Variants in TPO observed in about 807,000 individuals in gnomAD.
TPO encodes the protein thyroid peroxidase.
A neutral mutation model predicts 96.9 loss-of-function variants in TPO; 78 were observed. The ratio of observed to expected loss-of-function variants is 0.81; its 90% CI spans 0.67 to 0.97. TPO has a LOEUF of 0.97. Ranked by LOEUF, TPO falls within the 50% of genes least tolerant of loss-of-function variation. The pLI, the probability that TPO is intolerant of heterozygous loss-of-function variation, is 0.00. For missense variants in TPO, 1,252 were observed against 1,274.8 expected, an observed-to-expected ratio of 0.98 and a Z score of 0.27; for synonymous variants, 547 against 538.0, an observed-to-expected ratio of 1.02 and a Z score of -0.23.
At chr2:1,457,979 AGT>A (rs1668014138) in intron 7 of TPO, among the ~76,000 whole-genome samples, 1 of 149,792 alleles carries the variant, frequency 6.7e-6, no homozygotes, top group Non-Finnish European at 1.5e-5. Context: ...CATATAAGAT[AGT>A]GTGTGGGCAC....
intron 8 of TPO, among the ~76,000 whole-genome samples, chr2:1,480,190 T>C (rs1190741796): frequency 6.6e-6 from 1 of 152,256 alleles, no homozygotes; most frequent in Non-Finnish European, 1.5e-5. Flanking sequence ...GTTCTGCTTT[T>C]TAAAAAACTG....
intron 11 of TPO, among the ~76,000 whole-genome samples, chr2:1,494,892 A>G (rs1242073042): frequency 6.6e-6 from 1 of 152,002 alleles, no homozygotes; most frequent in Non-Finnish European, 1.5e-5. Flanking sequence ...TTTTATCTCT[A>G]ATTTCTGAGA....
intron 13 of TPO, among the ~76,000 whole-genome samples, chr2:1,501,295 C>T (rs565848204): frequency 2.4e-4 from 36 of 151,048 alleles, no homozygotes; most frequent in Admixed American, 7.9e-4. Context: ...AAACTCAAGG[C>T]GAAGCAGTCG....
At chr2:1,483,358 C>T (rs1028514964) in intron 8 of TPO, among the ~76,000 whole-genome samples, 1 of 152,208 alleles carries the variant, frequency 6.6e-6, no homozygotes, top group Non-Finnish European at 1.5e-5. Context: ...CTTAAAATAG[C>T]TTGCACTTGA....
intron 14 of TPO, among the ~76,000 whole-genome samples, chr2:1,508,852 AT>A (rs1401824253): frequency 6.6e-6 from 1 of 152,082 alleles, no homozygotes; most frequent in African/African-American, 2.4e-5. Context: ...GGATTCATTA[AT>A]TTTTTGAAGG....
chr2:1,496,964 G>A (rs939082711), intron 13 of TPO, among the ~76,000 whole-genome samples, 199 bp downstream of exon 13: 3 of 152,172 alleles, frequency 2.0e-5, no homozygotes, highest in Non-Finnish European at 2.9e-5. Flanking sequence ...AGGTAGTGAG[G>A]CCTCAGGACA....
intron 8 of TPO, among the ~76,000 whole-genome samples, chr2:1,481,931 T>C (rs1242332672): frequency 6.6e-6 from 1 of 152,102 alleles, no homozygotes; most frequent in East Asian, 1.9e-4. Flanking sequence ...AGGTGCGCCA[T>C]GCTGCAGGGC....
At chr2:1,396,797 T>C (rs2148367165) in intron 1 of TPO, among the ~76,000 whole-genome samples, 1 of 152,268 alleles carries the variant, frequency 6.6e-6, no homozygotes, top group South Asian at 2.1e-4. Flanking sequence ...GCAAGCTATG[T>C]GTGGGCAAAT....
intron 8 of TPO, among the ~76,000 whole-genome samples, chr2:1,479,769 CTCT>C (rs1318712626): frequency 5.4e-5 from 8 of 148,180 alleles, no homozygotes; most frequent in African/African-American, 9.9e-5. Context: ...CCTCCTCCTC[CTCT>C]TCTTCTTCTC....
chr2:1,516,761 C>T (rs1251359769), intron 14 of TPO, 122 bp from the exon 15 acceptor site: 22 of 848,186 alleles, frequency 2.6e-5, no homozygotes, highest in South Asian at 4.1e-5. Flanking sequence ...TCCCTCCCTG[C>T]GTCATGCTGT....
chr2:1,490,721 G>C (rs1244534671), intron 10 of TPO, among the ~76,000 whole-genome samples: 1 of 152,174 alleles, frequency 6.6e-6, no homozygotes, highest in African/African-American at 2.4e-5. Context: ...ACCTGGCAGA[G>C]GCTTCATTAG....
At chr2:1,519,606 CT>C (rs575348953) in intron 15 of TPO, among the ~76,000 whole-genome samples, 2 of 152,250 alleles carry the variant, frequency 1.3e-5, no homozygotes, top group Admixed American at 1.3e-4. Flanking sequence ...ACCTTAAAAA[CT>C]TTAATAACTA....
intron 13 of TPO, 40 bp downstream of exon 13, chr2:1,496,805 T>C (rs764988581): frequency 6.2e-7 from 1 of 1,613,622 alleles, no homozygotes; most frequent in Admixed American, 1.7e-5. Flanking sequence ...AACATCTGAA[T>C]GTTTCCGATA....
chr2:1,486,429 A>G (rs1467740667), intron 9 of TPO, among the ~76,000 whole-genome samples: 1 of 152,042 alleles, frequency 6.6e-6, no homozygotes, highest in Non-Finnish European at 1.5e-5. Flanking sequence ...TCAGCTACTC[A>G]GGAGGCTGTG....
Position 1,487,736 on chromosome 2 carries a change from C to T in TPO, c.1598-85C>T, listed in dbSNP as rs1198595578. The T allele has an allele frequency of 2.6e-6, 4 of 1,524,516 alleles. No homozygotes were observed. In the African/African-American group the frequency reaches 5.7e-5, roughly 22 times the overall value. The allele number at this position is 1,524,516 out of a possible 1,614,324, so 94.4% of individuals were successfully genotyped here. A position where few individuals can be genotyped will look rare whatever the true frequency, so the allele number is the denominator to read the frequency against. On this transcript the variant is annotated intron_variant, in intron 9 of 16. Coordinates refer to ENST00000329066, the MANE Select transcript of TPO (RefSeq NM_001206744.2). ...GGCAACAGAAAGAATGAGACTCCGT[C>T]TCAAAAAAAAAAAAAATTGAGATAT...
intron 13 of TPO, chr2:1,503,726 C>T (rs1354273837): frequency 2.5e-6 from 2 of 787,756 alleles, no homozygotes; most frequent in Admixed American, 2.0e-5. Flanking sequence ...GTGTGGACTC[C>T]CTGCAGGCTC....
intron 1 of TPO, among the ~76,000 whole-genome samples, chr2:1,401,366 T>A (rs1319856152): frequency 6.6e-6 from 1 of 152,112 alleles, no homozygotes; most frequent in Non-Finnish European, 1.5e-5. Context: ...ATGCACCCAA[T>A]CAGTTAGAGC....
In TPO at chr2:1,508,071, T is replaced by C. The variant is rs566120316; in HGVS notation, c.2518+3992T>C. ...TGAGATACTTCCCATCAATACCTAATTTATTGAGAGTTTTTAGCATGAAGG... is the reference window on the plus strand; with the variant it reads ...TGAGATACTTCCCATCAATACCTAACTTATTGAGAGTTTTTAGCATGAAGG... On this transcript the variant is annotated intron_variant, in intron 14 of 16. Coordinates refer to ENST00000329066, the MANE Select transcript of TPO (RefSeq NM_001206744.2). Among the ~76,000 whole-genome samples the C allele has an allele frequency of 1.4e-3, 212 of 152,218 alleles. 2 individuals are homozygous for C. The highest frequency in any genetic ancestry group is 4.4e-3 in the African/African-American group (182 of 41,574).
chr2:1,540,582 T>TGTCTCCCACAGGACACGC lies in TPO; in HGVS notation c.2619-11_2625dup. The TGTCTCCCACAGGACACGC allele has an allele frequency of 6.2e-7, 1 of 1,612,902 alleles. No individual in the cohort carries two copies. Among genetic ancestry groups the TGTCTCCCACAGGACACGC allele is most frequent in the South Asian group, 1.1e-5 (1 of 91,058 alleles). ...GACCCTCTCCCGATAACTGGACACG[T>TGTCTCCCACAGGACACGC]GTCTCCCACAGGACACGCACTGGCA... On this transcript the variant is annotated splice_polypyrimidine_tract_variant and intron_variant, in intron 15 of 16. Transcript: ENST00000329066.
Sources: allele counts gnomAD v4.1 joint callset (sites outside exome capture counted in the v4.1 genomes callset), GRCh38; gene constraint gnomAD v4.1.1; transcripts MANE v1.5; gene names NCBI Gene and HGNC (gene_info 2026-07-23, HGNC 2026-07-21).